The following CAMTA1 variants were observed in gnomAD, a reference collection of about 807,000 sequenced individuals.
CAMTA1 encodes calmodulin binding transcription activator 1.
CAMTA1 carries 27 observed loss-of-function variants against 170.9 expected under a neutral mutation model. The ratio of observed to expected loss-of-function variants is 0.16; its 90% CI spans 0.12 to 0.22. The LOEUF (loss-of-function observed/expected upper bound fraction) is 0.22, where lower values mean the gene tolerates loss of function less well. Ranked by LOEUF, CAMTA1 falls within the 10% of genes least tolerant of loss-of-function variation. The probability of loss-of-function intolerance (pLI) is 1.00; values close to 1 mark genes in which losing one functional copy is unlikely to be tolerated. For missense variants in CAMTA1, 1,619 were observed against 2,217.2 expected, an observed-to-expected ratio of 0.73 and a Z score of 5.42; for synonymous variants, 833 against 891.5, an observed-to-expected ratio of 0.93 and a Z score of 1.17.
intron 4 of CAMTA1, among the ~76,000 whole-genome samples, chr1:7,142,837 C>T (rs1406776809): frequency 1.3e-5 from 2 of 152,234 alleles, no homozygotes; most frequent in Non-Finnish European, 2.9e-5. Context: ...ATTACCCAGC[C>T]TTAGCTATTC....
rs1368111876 is a variant in CAMTA1 at position 7,176,590 on chromosome 1, C to T, written c.303-72901C>T. ...TCCAACTGCTTCTGATTCTACAGCT[C>T]GTTCGCACTTTTTCCTGGTTGCCCT... On this transcript the variant is annotated intron_variant, in intron 4 of 22. Transcript: ENST00000303635. Among the ~76,000 whole-genome samples, 5 of 152,296 alleles carry T rather than the reference C, an allele frequency of 3.3e-5. No homozygotes were observed. In the South Asian group the frequency reaches 6.2e-4, roughly 19 times the overall value.
chr1:7,244,887 TATAATA>T (rs914306053), intron 4 of CAMTA1, among the ~76,000 whole-genome samples: 1 of 151,588 alleles, frequency 6.6e-6, no homozygotes, highest in African/African-American at 2.4e-5. Context: ...AAGCTTAAAG[TATAATA>T]ATAATAATAA....
At chr1:7,210,003 T>C (rs1658470655) in intron 4 of CAMTA1, among the ~76,000 whole-genome samples, 1 of 152,220 alleles carries the variant, frequency 6.6e-6, no homozygotes, top group African/African-American at 2.4e-5. Flanking sequence ...TGATGCCCCG[T>C]TAACCCTAAA....
At position 7,443,632 on chromosome 1, in the gene CAMTA1, C is replaced by T. The variant is rs746724167; in HGVS notation, c.439-24198C>T. Among the ~76,000 whole-genome samples the T allele has an allele frequency of 2.9e-4, 44 of 152,106 alleles. No individual in the cohort carries two copies. Among genetic ancestry groups the T allele is most frequent in the Non-Finnish European group, 4.1e-4 (28 of 68,026 alleles). ...GGAGGCTCGCAAGCAGAGATGATTG[C>T]AGTGCCCTATAGTGCACCGTTGGGG... On this transcript the variant is annotated intron_variant, in intron 5 of 22. Coordinates refer to ENST00000303635, the MANE Select transcript of CAMTA1 (RefSeq NM_015215.4). The surrounding 1 kb of genome is among the most constrained non-coding windows in gnomAD (Gnocchi z 4.1).
At chr1:6,890,100 G>A (rs542088850) in intron 3 of CAMTA1, among the ~76,000 whole-genome samples, 2 of 152,320 alleles carry the variant, frequency 1.3e-5, no homozygotes, top group African/African-American at 4.8e-5. Context: ...CAGGCAGAGA[G>A]GGACTCTGAC....
intron 4 of CAMTA1, among the ~76,000 whole-genome samples, chr1:7,218,438 C>T (rs1220293301): frequency 6.6e-6 from 1 of 152,086 alleles, no homozygotes; most frequent in African/African-American, 2.4e-5. Flanking sequence ...TCTGTCAGTG[C>T]AGCGAAGTGC....
At chr1:7,030,862 C>A (rs1316748788) in intron 3 of CAMTA1, among the ~76,000 whole-genome samples, 4 of 149,974 alleles carry the variant, frequency 2.7e-5, no homozygotes, top group Admixed American at 2.7e-4. Flanking sequence ...TGAGATGGAT[C>A]CTTGCTCTGT....
chr1:7,230,939 C>T (rs1558280913), intron 4 of CAMTA1, among the ~76,000 whole-genome samples: 1 of 152,072 alleles, frequency 6.6e-6, no homozygotes, highest in Non-Finnish European at 1.5e-5. Context: ...GCACCATGCT[C>T]GTGGCTGAGG....
chr1:7,498,083 G>A (rs1288385673), intron 6 of CAMTA1, among the ~76,000 whole-genome samples: 2 of 152,120 alleles, frequency 1.3e-5, no homozygotes, highest in Non-Finnish European at 2.9e-5. Flanking sequence ...AGGGGTGCGG[G>A]GAGCATCCTG....
chr1:7,230,445 G>GCCC (rs1553279860), intron 4 of CAMTA1, among the ~76,000 whole-genome samples: 2 of 47,926 alleles, frequency 4.2e-5, no homozygotes, highest in South Asian at 5.8e-4. Context: ...CCCCCCCCCC[G>GCCC]CCCCGCAAAG....
At chr1:7,257,231 C>G (rs181445489) in intron 5 of CAMTA1, among the ~76,000 whole-genome samples, 1 of 152,280 alleles carries the variant, frequency 6.6e-6, no homozygotes, top group Admixed American at 6.5e-5. Context: ...CAGTCCTGTG[C>G]GCATCATCTT....
At chr1:7,020,454 G>A (rs1701181458) in intron 3 of CAMTA1, among the ~76,000 whole-genome samples, 1 of 152,200 alleles carries the variant, frequency 6.6e-6, no homozygotes, top group Non-Finnish European at 1.5e-5. Flanking sequence ...GTTTGTGTAA[G>A]TATGCACTTT....
At chr1:7,382,760 CAT>C (rs1042700060) in intron 5 of CAMTA1, 8 of 152,048 alleles carry the variant, frequency 5.3e-5, no homozygotes, top group African/African-American at 1.9e-4. Flanking sequence ...CAATATTTGA[CAT>C]AAAACATTAA....
chr1:6,988,027 T>C (rs1695652844), intron 3 of CAMTA1, among the ~76,000 whole-genome samples: 1 of 152,192 alleles, frequency 6.6e-6, no homozygotes, highest in Non-Finnish European at 1.5e-5. Context: ...CCCTCTTCCC[T>C]GGGAACATTA....
At chr1:7,306,179 C>G (rs1451070272) in intron 5 of CAMTA1, among the ~76,000 whole-genome samples, 1 of 151,960 alleles carries the variant, frequency 6.6e-6, no homozygotes, top group East Asian at 1.9e-4. Flanking sequence ...GGTTTTATGT[C>G]TAGCAAATAT....
intron 4 of CAMTA1, among the ~76,000 whole-genome samples, chr1:7,232,312 A>G (rs1258179657): frequency 2.0e-5 from 3 of 152,150 alleles, no homozygotes; most frequent in South Asian, 2.1e-4. Flanking sequence ...CTCAGCACTC[A>G]TGGCCGGCTC....
At chr1:7,329,779 C>T (rs1023471584) in intron 5 of CAMTA1, among the ~76,000 whole-genome samples, 2 of 152,190 alleles carry the variant, frequency 1.3e-5, no homozygotes, top group Non-Finnish European at 2.9e-5. Flanking sequence ...AATGCTAAGG[C>T]TTGCAAAACT....
chr1:7,516,349 G>A (rs558686436), intron 6 of CAMTA1, among the ~76,000 whole-genome samples: 6 of 152,204 alleles, frequency 3.9e-5, no homozygotes, highest in African/African-American at 1.2e-4. Flanking sequence ...CTGCTGTCCC[G>A]AAGCCTCCTG....
At chr1:7,233,342 C>A (rs546336832) in intron 4 of CAMTA1, among the ~76,000 whole-genome samples, 3 of 152,150 alleles carry the variant, frequency 2.0e-5, no homozygotes, top group Non-Finnish European at 4.4e-5. Context: ...GGCATTGGAG[C>A]AGGGCTCCCA....
Sources: gnomAD v4.1 joint callset for allele counts (sites outside exome capture counted in the v4.1 genomes callset) on GRCh38, gnomAD v4.1.1 for gene constraint, Gnocchi (gnomAD v3.1) non-coding constraint, MANE v1.5 for transcripts, NCBI Gene and HGNC (gene_info 2026-07-23, HGNC 2026-07-21) for gene names.